Variants in TUSC3 observed in about 807,000 individuals in gnomAD.
The protein encoded by TUSC3 is tumor suppressor candidate 3, also known as dolichyl-diphosphooligosaccharide--protein glycosyltransferase subunit TUSC3.
TUSC3 carries 45 observed loss-of-function variants against 44.8 expected under a neutral mutation model. The ratio of observed to expected loss-of-function variants is 1.00; its 90% CI spans 0.79 to 1.29. The LOEUF (loss-of-function observed/expected upper bound fraction) is 1.29, where lower values mean the gene tolerates loss of function less well. TUSC3 is among the 50% of genes most tolerant of loss of function. The pLI, the probability that TUSC3 is intolerant of heterozygous loss-of-function variation, is 0.00. For missense variants in TUSC3, 519 were observed against 437.9 expected (o/e 1.19, Z -1.65); for synonymous variants, 212 against 152.9 (o/e 1.39, Z -2.85).
intron 1 of TUSC3, among the ~76,000 whole-genome samples, chr8:15,601,382 T>C (rs1434339499): frequency 2.0e-5 from 3 of 151,718 alleles, no homozygotes; most frequent in African/African-American, 4.8e-5. Context: ...AACGGGTTTA[T>C]AGTTTGAATG....
intron 1 of TUSC3, among the ~76,000 whole-genome samples, chr8:15,592,149 A>G (rs1489436064): frequency 6.6e-6 from 1 of 152,202 alleles, no homozygotes; most frequent in Admixed American, 6.5e-5. Context: ...TCTTGACTTG[A>G]ATAGTTGTTT....
chr8:15,837,872 T>G, the TUSC3 span, among the ~76,000 whole-genome samples: 1 of 152,236 alleles, frequency 6.6e-6, no homozygotes, highest in Non-Finnish European at 1.5e-5. Flanking sequence ...TTATTTTGAC[T>G]TCTTTTAAAA....
the TUSC3 span, among the ~76,000 whole-genome samples, chr8:15,833,903 C>A: frequency 0.56 from 84,620 of 151,652 alleles, 26,214 homozygotes; most frequent in Non-Finnish European, 0.71. Context: ...TAGATGACTA[C>A]CATTAATATA....
chr8:15,510,892 T>C (rs879391282), intron 2 of TUSC3, among the ~76,000 whole-genome samples: 3 of 152,206 alleles, frequency 2.0e-5, no homozygotes, highest in Admixed American at 2.0e-4. Context: ...AGAGGGCTCA[T>C]GTGTAGAATG....
At chr8:15,694,904 C>G (rs765962192) in intron 6 of TUSC3, among the ~76,000 whole-genome samples, 1 of 151,938 alleles carries the variant, frequency 6.6e-6, no homozygotes, top group Non-Finnish European at 1.5e-5. Flanking sequence ...TCACTTACGC[C>G]AGCAGCAGCA....
At chr8:15,752,656 A>T (rs1811757258) in intron 9 of TUSC3, among the ~76,000 whole-genome samples, 1 of 152,090 alleles carries the variant, frequency 6.6e-6, no homozygotes, top group Non-Finnish European at 1.5e-5. Context: ...TTATGACAGA[A>T]GCAGAAAATC....
At chr8:15,650,998 C>G in intron 3 of TUSC3, 184 bp downstream of exon 3, 1 of 541,842 alleles carries the variant, frequency 1.8e-6, no homozygotes, top group Non-Finnish European at 3.3e-6. Flanking sequence ...CACACACACA[C>G]ACACACACAC....
chr8:15,627,627 G>C (rs1347837539), intron 2 of TUSC3, among the ~76,000 whole-genome samples: 1 of 152,214 alleles, frequency 6.6e-6, no homozygotes, highest in Non-Finnish European at 1.5e-5. Flanking sequence ...CCCTTTTTGG[G>C]GCCCTGTGGT....
intron 2 of TUSC3, among the ~76,000 whole-genome samples, chr8:15,534,529 GCTA>G (rs934566481): frequency 1.4e-4 from 22 of 151,776 alleles, no homozygotes; most frequent in African/African-American, 5.3e-4. Flanking sequence ...TGTAGTCCCA[GCTA>G]CTCGGGAGGC....
intron 1 of TUSC3, among the ~76,000 whole-genome samples, chr8:15,426,336 C>T (rs1430675782): frequency 1.3e-5 from 2 of 152,196 alleles, no homozygotes; most frequent in Non-Finnish European, 2.9e-5. Context: ...CTACGTTAGA[C>T]AGCTGATTTC....
the TUSC3 span, chr8:15,806,668 A>T: frequency 1.9e-6 from 2 of 1,056,986 alleles, no homozygotes; most frequent in Non-Finnish European, 2.9e-6. Context: ...GCTGCCCAGT[A>T]GGACCTTTCC....
intron 1 of TUSC3, among the ~76,000 whole-genome samples, chr8:15,601,374 C>G (rs1490221346): frequency 6.6e-6 from 1 of 151,578 alleles, no homozygotes; most frequent in Non-Finnish European, 1.5e-5. Context: ...TCTAAAGCAA[C>G]GGGTTTATAG....
chr8:15,774,246 AAAGAT>A, the TUSC3 span, among the ~76,000 whole-genome samples: 62,339 of 151,496 alleles, frequency 0.41, 13,225 homozygotes, highest in Non-Finnish European at 0.47. Context: ...TCTCCTCAAA[AAAGAT>A]AAGTTGAAGT....
At chr8:15,794,735 A>G in the TUSC3 span, among the ~76,000 whole-genome samples, 6 of 152,054 alleles carry the variant, frequency 3.9e-5, no homozygotes, top group African/African-American at 1.4e-4. Context: ...TGGGAACCCA[A>G]ATTTTTTATA....
intron 3 of TUSC3, 49 bp downstream of exon 3, chr8:15,650,863 G>T: frequency 6.4e-7 from 1 of 1,571,090 alleles, no homozygotes; most frequent in Non-Finnish European, 8.8e-7. Flanking sequence ...GTTTGTGGTC[G>T]ATACATTTTT....
At chr8:15,424,977 A>T (rs1263488032) in intron 1 of TUSC3, among the ~76,000 whole-genome samples, 2 of 152,158 alleles carry the variant, frequency 1.3e-5, no homozygotes, top group Non-Finnish European at 2.9e-5. Flanking sequence ...ATGGCATTGT[A>T]TATTACAAAG....
intron 6 of TUSC3, among the ~76,000 whole-genome samples, chr8:15,683,156 C>A (rs1563170610): frequency 6.6e-6 from 1 of 152,078 alleles, no homozygotes. Flanking sequence ...TAGTTTCTTG[C>A]AGGGAATCTC....
intron 10 of TUSC3, among the ~76,000 whole-genome samples, chr8:15,760,632 T>A (rs1033967972): frequency 1.3e-5 from 2 of 152,186 alleles, no homozygotes; most frequent in African/African-American, 4.8e-5. Context: ...GAAATTCAGA[T>A]ATCAGTGCCT....
the TUSC3 span, among the ~76,000 whole-genome samples, chr8:15,780,906 G>C: frequency 1.3e-5 from 2 of 152,304 alleles, no homozygotes; most frequent in African/African-American, 4.8e-5. Flanking sequence ...TCCAAAGGCT[G>C]TATCCTTGGG....
Sources: allele counts gnomAD v4.1 joint callset (sites outside exome capture counted in the v4.1 genomes callset), GRCh38; gene constraint gnomAD v4.1.1; transcripts MANE v1.5; gene names NCBI Gene and HGNC (gene_info 2026-07-23, HGNC 2026-07-21).